The following AVIL variants were observed in gnomAD, a reference collection of about 807,000 sequenced individuals.
AVIL encodes the protein advillin.
A neutral mutation model predicts 109.9 loss-of-function variants in AVIL; 78 were observed. That is an observed-to-expected ratio of 0.71 (90% CI 0.59 to 0.86). The LOEUF is 0.86. Ranked by LOEUF, AVIL falls within the 40% of genes least tolerant of loss-of-function variation. The pLI, the probability that AVIL is intolerant of heterozygous loss-of-function variation, is 0.00. For missense variants in AVIL, 892 were observed against 1,016.5 expected, an observed-to-expected ratio of 0.88 and a Z score of 1.67; for synonymous variants, 367 against 379.1, an observed-to-expected ratio of 0.97 and a Z score of 0.37.
chr12:57,805,708 T>G (rs1595164384), intron 14 of AVIL: 1 of 152,124 alleles, frequency 6.6e-6, no homozygotes, highest in Non-Finnish European at 1.5e-5. Flanking sequence ...TAATTTTTTT[T>G]GTATTTTTAG....
chr12:57,808,714 A>G (rs903451281), intron 9 of AVIL, 166 bp from the exon 10 acceptor site: 10 of 530,474 alleles, frequency 1.9e-5, no homozygotes, highest in Non-Finnish European at 2.9e-5. Context: ...GTACCTGCCT[A>G]AAAAAAAAAT....
At position 57,806,379 on chromosome 12, in the gene AVIL, T is replaced by C. The variant is rs1955946020; in HGVS notation, c.1652A>G (p.His551Arg). The change falls in exon 14 of 20, where the codon CAC becomes CGC. Residue 551 changes from histidine (H) to arginine (R), a missense_variant. Coordinates refer to ENST00000549994, the MANE Select transcript of AVIL (RefSeq NM_006576.4). ...DVFLLRTQAEHYLWYGKGSSG... is the reference protein window; with the variant it reads ...DVFLLRTQAERYLWYGKGSSG... ...TCCTACCTTGCCATACCACAGGTAG[T>C]GCTCTGCCTGAGTTCGCAGCAGAAA... The C allele has an allele frequency of 6.2e-7, 1 of 1,613,944 alleles. No individual in the cohort carries two copies. The highest frequency in any genetic ancestry group is 8.5e-7 in the Non-Finnish European group (1 of 1,180,006).
chr12:57,803,484 C>T lies in AVIL; in HGVS notation c.1817+40G>A, dbSNP rs760229399. On this transcript the variant is annotated intron_variant, in intron 15 of 19. Transcript: ENST00000549994. Reference sequence around the variant, plus strand: ...TTGTGCAATTCACAAGCCTGGCAGGCAGGGGGAGCCCAGAAGAGGGGGAGG... The same window carrying T: ...TTGTGCAATTCACAAGCCTGGCAGGTAGGGGGAGCCCAGAAGAGGGGGAGG... 49 of 1,613,628 alleles carry T rather than the reference C, an allele frequency of 3.0e-5. No individual in the cohort carries two copies. The East Asian group carries it at 1.1e-3, about 36-fold the overall frequency.
At chr12:57,802,849 C>A (rs1329673508) in intron 16 of AVIL, 1 of 558,608 alleles carries the variant, frequency 1.8e-6, no homozygotes, top group Non-Finnish European at 3.1e-6. Context: ...TCCATCCCTA[C>A]TCCACTGCCC....
rs757682973 is a variant in AVIL, at chr12:57,808,200, T to C, written c.1188A>G (p.Lys396=). The change falls in exon 11 of 20, where the codon AAA becomes AAG. Residue 396 remains lysine, a synonymous_variant. Transcript: ENST00000549994. ...TTTGAATCATTGGGCTTACCTCAAC[T>C]TTTCCGTTGCCATCATCGACCATTC... ...QERMVDDGNG[K]VEVWRIENLE... is the part of the protein sequence containing the mutation. The C allele has an allele frequency of 5.0e-6, 8 of 1,614,112 alleles. No individual in the cohort carries two copies. Among genetic ancestry groups the C allele is most frequent in the Non-Finnish European group, 6.8e-6 (8 of 1,179,966 alleles).
At position 57,803,409 on chromosome 12, in the gene AVIL, T is replaced by TA; in HGVS notation, c.1818-19dup. ...GCTGAAGTCTGCAATATAGTCCATT[T>TA]AAGGGCATCAAGCTGCTTAGAAATG... is the stretch of plus-strand genomic sequence containing the variant. On this transcript the variant is annotated intron_variant, in intron 15 of 19. Coordinates refer to ENST00000549994, the MANE Select transcript of AVIL (RefSeq NM_006576.4). 6.2e-7 allele frequency: 1 copy of TA among 1,614,168 alleles called. No homozygotes were observed. The highest frequency in any genetic ancestry group is 1.3e-5 in the African/African-American group (1 of 75,050).
At chr12:57,815,012 G>A (rs919692534) in intron 2 of AVIL, 10 of 152,314 alleles carry the variant, frequency 6.6e-5, no homozygotes, top group African/African-American at 2.4e-4. Context: ...GAGTGCAGTG[G>A]CGCGATCTCG....
intron 19 of AVIL, among the ~76,000 whole-genome samples, chr12:57,799,389 T>C (rs1955800597): frequency 1.3e-5 from 2 of 152,232 alleles, no homozygotes; most frequent in African/African-American, 4.8e-5. Context: ...CCAGATTGTA[T>C]AGGCCTTCAC....
In AVIL at chr12:57,806,294, CAGG is replaced by C. The variant is rs529143552; in HGVS notation, c.1671+63_1671+65del. The C allele has an allele frequency of 2.5e-3, 3,907 of 1,575,268 alleles. 6 individuals are homozygous for C. The highest frequency in any genetic ancestry group is 2.7e-3 in the Non-Finnish European group (3,080 of 1,145,928). On this transcript the variant is annotated intron_variant, in intron 14 of 19. Transcript: ENST00000549994. ...ACTCTAGGTCCTTTGACCTTGCTGA[CAGG>C]AGGAGGGGAGTGCAGGTCTGGGCTC...
At chr12:57,813,043 C>T (rs1408405815) in intron 4 of AVIL, among the ~76,000 whole-genome samples, 184 bp downstream of exon 4, 1 of 152,214 alleles carries the variant, frequency 6.6e-6, no homozygotes, top group Admixed American at 6.5e-5. Context: ...CTCCTATTTC[C>T]CCATAGCCTT....
rs571816795 is a variant in AVIL at position 57,809,087 on chromosome 12, C to T, written c.939+510G>A. 4 of 165,698 alleles carry T rather than the reference C, an allele frequency of 2.4e-5. No individual in the cohort carries two copies. In the South Asian group the frequency reaches 6.4e-4, roughly 26 times the overall value. 10.3% of individuals were successfully genotyped at this position (165,698 alleles called of 1,614,324 possible). On this transcript the variant is annotated intron_variant, in intron 9 of 19. Coordinates refer to ENST00000549994, the MANE Select transcript of AVIL (RefSeq NM_006576.4). ...GTGATCTCGGCTCACTGCAGCCTCC[C>T]GGGTTCAAGTGATTTTCCTATCTCA...
Position 57,808,703 on chromosome 12 carries a change from G to C in AVIL, c.940-155C>G, listed in dbSNP as rs1029572668. On this transcript the variant is annotated intron_variant, in intron 9 of 19. Coordinates refer to ENST00000549994, the MANE Select transcript of AVIL (RefSeq NM_006576.4). The stretch of plus-strand genomic sequence containing the variant: ...TAACTCACTTTTGTCTAAGGACCAA[G>C]GTACCTGCCTAAAAAAAAAATGACT... The C allele has an allele frequency of 3.5e-6, 3 of 867,346 alleles. No individual in the cohort carries two copies. The African/African-American group carries it at 5.1e-5, about 15-fold the overall frequency. The allele number at this position is 867,346 out of a possible 1,614,324, so 53.7% of individuals were successfully genotyped here.
chr12:57,813,649 T>G lies in AVIL; in HGVS notation c.142-226A>C, dbSNP rs1029316279. ...CCGCATTTGGGGAAAGTTGACAGCT[T>G]GTTGTTCCCCAAATAAATAGATACC... On this transcript the variant is annotated intron_variant, in intron 3 of 19. Transcript: ENST00000549994. Among the ~76,000 whole-genome samples, 8 of 152,356 alleles carry G rather than the reference T, an allele frequency of 5.3e-5. No homozygotes were observed. The East Asian group carries it at 1.4e-3, about 26-fold the overall frequency.
intron 14 of AVIL, among the ~76,000 whole-genome samples, chr12:57,804,985 T>A (rs1332858789): frequency 2.0e-5 from 3 of 152,256 alleles, no homozygotes; most frequent in Non-Finnish European, 2.9e-5. Flanking sequence ...TCATTGATTT[T>A]GATTTGCATC....
Position 57,799,876 on chromosome 12 carries a change from C to T in AVIL, c.2265G>A (p.Glu755=), listed in dbSNP as rs1955811773. ...GAACTGCTATAGGGTAATATTTTGG[C>T]TCACTGTCATTAGAATTCAGGGAGA... ...ATLSLNSNDS[E]PKYYPIAVLL... Residue 755 remains glutamate (E), a synonymous_variant, in exon 19 of 20, where the codon GAG becomes GAA. Transcript: ENST00000549994. 5 of 1,614,176 alleles carry T rather than the reference C, an allele frequency of 3.1e-6. No individual in the cohort carries two copies. Among genetic ancestry groups the T allele is most frequent in the Non-Finnish European group, 4.2e-6 (5 of 1,180,030 alleles).
intron 1 of AVIL, 26 bp from the exon 2 acceptor site, chr12:57,816,085 AGAT>A: frequency 6.4e-7 from 1 of 1,564,202 alleles, no homozygotes; most frequent in Non-Finnish European, 8.7e-7. Context: ...ACAAGAGGGG[AGAT>A]GATATCTCTT....
chr12:57,807,219 A>T, intron 13 of AVIL, 112 bp downstream of exon 13: 1 of 1,504,604 alleles, frequency 6.6e-7, no homozygotes, highest in African/African-American at 1.4e-5. Flanking sequence ...CCTCTGTCTA[A>T]TCCAAGCCTG....
chr12:57,802,186 G>A lies in AVIL; in HGVS notation c.2125C>T (p.Leu709=). ...FEPPIFTGWF[L]AWDPNIWSAG... ...CTCCAAATGTTAGGGTCCCAGGCTA[G>A]GAACCAGCCTGTGAAGATGGGAGGC... The change falls in exon 17 of 20, where the codon CTA becomes TTA. Residue 709 remains leucine, a synonymous_variant. Transcript: ENST00000549994. The A allele has an allele frequency of 6.2e-7, 1 of 1,613,964 alleles. No homozygotes were observed. Among genetic ancestry groups the A allele is most frequent in the Non-Finnish European group, 8.5e-7 (1 of 1,179,868 alleles).
chr12:57,808,106 G>C (rs534351688), intron 11 of AVIL, 88 bp downstream of exon 11: 1 of 1,441,510 alleles, frequency 6.9e-7, no homozygotes, highest in African/African-American at 1.4e-5. Flanking sequence ...AAGCAAAGCA[G>C]ACACAGAATC....
Sources: gnomAD v4.1 joint callset for allele counts (sites outside exome capture counted in the v4.1 genomes callset) on GRCh38, gnomAD v4.1.1 for gene constraint, MANE v1.5 for transcripts, NCBI Gene and HGNC (gene_info 2026-07-23, HGNC 2026-07-21) for gene names.